SIPA1L2: variants seen among roughly 807,000 people sequenced by gnomAD.
SIPA1L2 encodes signal induced proliferation associated 1 like 2.
A neutral mutation model predicts 163.9 loss-of-function variants in SIPA1L2; 56 were observed. The ratio of observed to expected loss-of-function variants is 0.34; its 90% confidence interval spans 0.28 to 0.43. The LOEUF is 0.43. Among genes scored for constraint, SIPA1L2 ranks in the 20% least tolerant of loss-of-function variants. The pLI, the probability that SIPA1L2 is intolerant of heterozygous loss-of-function variation, is 1.00. For synonymous variants in SIPA1L2, 877 were observed against 865.7 expected (o/e 1.01, Z -0.23); for missense variants, 1,974 against 2,193.5 (o/e 0.90, Z 2.00).
At chr1:232,448,460 C>T (rs1034227908) in intron 10 of SIPA1L2, among the ~76,000 whole-genome samples, 1 of 152,178 alleles carries the variant, frequency 6.6e-6, no homozygotes, top group African/African-American at 2.4e-5. Flanking sequence ...AGCAGAACTC[C>T]ACTGTCAGCA....
At chr1:232,562,762 A>G (rs1254296041) in intron 2 of SIPA1L2, among the ~76,000 whole-genome samples, 4 of 152,206 alleles carry the variant, frequency 2.6e-5, no homozygotes, top group Admixed American at 2.0e-4. Context: ...CCCTCAGCAA[A>G]TAAAACGCAT....
intron 1 of SIPA1L2, among the ~76,000 whole-genome samples, chr1:232,584,972 T>C (rs2102813842): frequency 6.6e-6 from 1 of 152,350 alleles, no homozygotes; most frequent in Admixed American, 6.5e-5. Context: ...ACATCAAACA[T>C]TCACTAAGTA....
chr1:232,607,924 G>A (rs1045288899), intron 1 of SIPA1L2, among the ~76,000 whole-genome samples: 20 of 151,258 alleles, frequency 1.3e-4, no homozygotes, highest in South Asian at 6.3e-4. Flanking sequence ...GCGGGGTAGC[G>A]CATGCCTGTA....
chr1:232,534,035 A>AG (rs1472480297), intron 2 of SIPA1L2, among the ~76,000 whole-genome samples: 1 of 152,136 alleles, frequency 6.6e-6, no homozygotes, highest in Non-Finnish European at 1.5e-5. Flanking sequence ...AGAAAAAAAA[A>AG]CTATCCTAAA....
At chr1:232,446,987 G>C (rs979112540) in intron 10 of SIPA1L2, among the ~76,000 whole-genome samples, 3 of 152,154 alleles carry the variant, frequency 2.0e-5, no homozygotes, top group African/African-American at 7.2e-5. Flanking sequence ...AGAATAACTT[G>C]GGTATATGAA....
intron 2 of SIPA1L2, among the ~76,000 whole-genome samples, chr1:232,567,704 A>C (rs555893527): frequency 6.6e-6 from 1 of 152,294 alleles, no homozygotes; most frequent in Non-Finnish European, 1.5e-5. Context: ...AACTCCTAAA[A>C]TACTTAAAAT....
At chr1:232,404,273 T>A in intron 19 of SIPA1L2, 95 bp from the exon 20 acceptor site, 1 of 1,061,694 alleles carries the variant, frequency 9.4e-7, no homozygotes, top group East Asian at 2.5e-5. Flanking sequence ...TGAAGTAGTG[T>A]GTGTGTGTGA....
chr1:232,468,420 C>T (rs75996615), intron 8 of SIPA1L2, among the ~76,000 whole-genome samples: 11 of 152,232 alleles, frequency 7.2e-5, no homozygotes, highest in South Asian at 2.1e-4. Context: ...AGGTAACTCC[C>T]GGAGTCAGGG....
intron 12 of SIPA1L2, among the ~76,000 whole-genome samples, chr1:232,443,084 C>T (rs569225330): frequency 1.3e-5 from 2 of 152,332 alleles, no homozygotes; most frequent in East Asian, 3.9e-4. Context: ...GCCATGCTCC[C>T]TCTTCTCTTC....
At chr1:232,592,313 A>G (rs145554247) in intron 1 of SIPA1L2, among the ~76,000 whole-genome samples, 122 of 152,318 alleles carry the variant, frequency 8.0e-4, no homozygotes, top group African/African-American at 2.8e-3. Context: ...TTCCTCCGCT[A>G]TCTGCCAGAT....
intron 1 of SIPA1L2, among the ~76,000 whole-genome samples, chr1:232,576,975 A>G (rs1354134104): frequency 6.6e-6 from 1 of 152,218 alleles, no homozygotes; most frequent in Non-Finnish European, 1.5e-5. Flanking sequence ...AAGGAGAGCT[A>G]CACTAAACAG....
rs566349557 is a variant in SIPA1L2, at chr1:232,505,198, C to T, written c.1483+8659G>A. ...CACTAGGAAAGTATGAAAGGCCTCA[C>T]CACTTCAAAGAAGAGAGGTGGAGCC... On this transcript the variant is annotated intron_variant, in intron 3 of 22. Coordinates refer to ENST00000674635, the MANE Select transcript of SIPA1L2 (RefSeq NM_020808.5). 4.6e-5 allele frequency among the ~76,000 whole-genome samples: 7 copies of T among 152,322 alleles called. No individual in the cohort carries two copies. In the South Asian group the frequency reaches 1.5e-3, roughly 32 times the overall value.
At position 232,474,751 on chromosome 1, in the gene SIPA1L2, T is replaced by TA. The variant is rs917346567; in HGVS notation, c.2086-3224dup. ...AATATGTACAACTATTATATATCAG[T>TA]AAAAAAAAAAATTTTAACGAGAGGA... is the stretch of plus-strand genomic sequence containing the variant. On this transcript the variant is annotated intron_variant, in intron 7 of 22. Transcript: ENST00000674635. 8.3e-4 allele frequency among the ~76,000 whole-genome samples: 120 copies of TA among 144,100 alleles called. 2 individuals carry two copies. Among genetic ancestry groups the TA allele is most frequent in the East Asian group, 2.8e-3 (14 of 4,958 alleles). 94.5% of individuals were successfully genotyped at this position (144,100 alleles called of 152,430 possible).
rs543207888 is a variant in SIPA1L2 at position 232,508,225 on chromosome 1, G to A, written c.1483+5632C>T. On this transcript the variant is annotated intron_variant, in intron 3 of 22. Transcript: ENST00000674635. ...TTTCACTTCACTCCTGAGTCACCACGGAGGCCCAGCTTCATCCTCCCATCT... is the reference window on the plus strand; with the variant it reads ...TTTCACTTCACTCCTGAGTCACCACAGAGGCCCAGCTTCATCCTCCCATCT... Among the ~76,000 whole-genome samples the A allele has an allele frequency of 1.2e-3, 189 of 152,214 alleles. 1 individual carries two copies. The highest frequency in any genetic ancestry group is 2.2e-3 in the Non-Finnish European group (151 of 68,010).
intron 15 of SIPA1L2, among the ~76,000 whole-genome samples, chr1:232,436,255 G>A (rs1254979159): frequency 6.6e-6 from 1 of 152,166 alleles, no homozygotes; most frequent in East Asian, 1.9e-4. Context: ...GGATACAAGC[G>A]AACAAGATAG....
intron 1 of SIPA1L2, among the ~76,000 whole-genome samples, chr1:232,607,725 C>T (rs978914690): frequency 5.3e-5 from 8 of 150,592 alleles, no homozygotes; most frequent in African/African-American, 2.0e-4. Context: ...GTGATGTTCC[C>T]ATCTGCACTT....
intron 10 of SIPA1L2, among the ~76,000 whole-genome samples, chr1:232,449,608 GAA>G (rs5781696): frequency 6.7e-6 from 1 of 148,744 alleles, no homozygotes; most frequent in African/African-American, 2.5e-5. Flanking sequence ...AGAGAAGAGG[GAA>G]AAAAAAAGGG....
chr1:232,590,631 A>G (rs960380725), intron 1 of SIPA1L2, among the ~76,000 whole-genome samples: 4 of 152,218 alleles, frequency 2.6e-5, no homozygotes, highest in African/African-American at 9.6e-5. Context: ...AGCACATGGC[A>G]TTGGGCCTCG....
intron 1 of SIPA1L2, among the ~76,000 whole-genome samples, chr1:232,611,314 G>GT (rs1371796168): frequency 6.6e-6 from 1 of 152,148 alleles, no homozygotes. Context: ...AGAGTGGGGC[G>GT]TTGCTGAAAA....
Sources: allele counts gnomAD v4.1 joint callset (sites outside exome capture counted in the v4.1 genomes callset), GRCh38; gene constraint gnomAD v4.1.1; transcripts MANE v1.5; gene names NCBI Gene and HGNC (gene_info 2026-07-23, HGNC 2026-07-21).